LCLAT1: variants seen among roughly 807,000 people sequenced by gnomAD.
LCLAT1 encodes the protein 1-AGP acyltransferase 8.
A neutral mutation model predicts 30.7 loss-of-function variants in LCLAT1; 11 were observed. The ratio of observed to expected loss-of-function variants is 0.36; its 90% confidence interval spans 0.23 to 0.59. LCLAT1 has a LOEUF of 0.59. LCLAT1 is among the 20% of genes least tolerant of loss of function. The pLI, the probability that LCLAT1 is intolerant of heterozygous loss-of-function variation, is 0.77. For synonymous variants in LCLAT1, 155 were observed against 151.3 expected (o/e 1.02, Z -0.18); for missense variants, 402 against 458.6 (o/e 0.88, Z 1.13).
chr2:30,468,002 G>A (rs1429151518), intron 1 of LCLAT1, among the ~76,000 whole-genome samples: 1 of 152,198 alleles, frequency 6.6e-6, no homozygotes, highest in Non-Finnish European at 1.5e-5. Flanking sequence ...TTTTAGACAT[G>A]AAGTCCTTGC....
At chr2:30,637,740 G>A (rs1328865637) in intron 5 of LCLAT1, among the ~76,000 whole-genome samples, 2 of 152,180 alleles carry the variant, frequency 1.3e-5, no homozygotes, top group Non-Finnish European at 2.9e-5. Flanking sequence ...ACCACGCCCA[G>A]CTAATTTTTG....
Position 30,628,812 on chromosome 2 carries a change from T to C in LCLAT1, c.629-11305T>C, listed in dbSNP as rs147401830. On this transcript the variant is annotated intron_variant, in intron 5 of 5. Coordinates refer to ENST00000379509, the MANE Select transcript of LCLAT1 (RefSeq NM_001002257.3). ...TAAAAGAAAAAAACGTATTTCATCTTTCAGAGAAATATAGGATACATGTAT... is the reference window on the plus strand; with the variant it reads ...TAAAAGAAAAAAACGTATTTCATCTCTCAGAGAAATATAGGATACATGTAT... Among the ~76,000 whole-genome samples, 303 of 152,294 alleles carry C rather than the reference T, an allele frequency of 2.0e-3. 1 individual carries two copies. The highest frequency in any genetic ancestry group is 6.9e-3 in the African/African-American group (287 of 41,564).
intron 1 of LCLAT1, among the ~76,000 whole-genome samples, chr2:30,468,379 T>G (rs931947448): frequency 2.0e-5 from 3 of 152,228 alleles, no homozygotes; most frequent in African/African-American, 7.2e-5. Context: ...TCAGGTAGTG[T>G]GATGCCTCCA....
At chr2:30,596,200 C>T (rs1176158137) in intron 5 of LCLAT1, among the ~76,000 whole-genome samples, 2 of 152,212 alleles carry the variant, frequency 1.3e-5, no homozygotes, top group East Asian at 3.9e-4. Context: ...GATTCTAGGT[C>T]TTTGAGGAAT....
chr2:30,470,295 C>T (rs1183342083), intron 1 of LCLAT1, among the ~76,000 whole-genome samples: 8 of 152,114 alleles, frequency 5.3e-5, no homozygotes, highest in Non-Finnish European at 1.0e-4. Flanking sequence ...GCTAGTGACT[C>T]CTGTCTAGTA....
At chr2:30,555,235 G>T (rs1018693608) in intron 3 of LCLAT1, among the ~76,000 whole-genome samples, 1 of 152,080 alleles carries the variant, frequency 6.6e-6, no homozygotes, top group Admixed American at 6.5e-5. Context: ...AGTGGAAAAT[G>T]ATTTGGAACC....
chr2:30,532,485 A>G (rs1343130688), intron 2 of LCLAT1, among the ~76,000 whole-genome samples: 1 of 152,156 alleles, frequency 6.6e-6, no homozygotes, highest in African/African-American at 2.4e-5. Flanking sequence ...TCTATAATAT[A>G]TTGTTTTTCT....
intron 1 of LCLAT1, among the ~76,000 whole-genome samples, chr2:30,480,101 C>T (rs79625061): frequency 0.082 from 12,492 of 152,166 alleles, 1,005 homozygotes; most frequent in African/African-American, 0.21. Context: ...CATTATTTTC[C>T]TGTTAATACT....
chr2:30,501,886 A>G (rs1684414049), intron 1 of LCLAT1, among the ~76,000 whole-genome samples: 3 of 152,224 alleles, frequency 2.0e-5, no homozygotes, highest in Admixed American at 1.3e-4. Context: ...TTAACATTGT[A>G]TAATTCAAAT....
chr2:30,495,985 A>G (rs1350203236), intron 1 of LCLAT1, among the ~76,000 whole-genome samples: 1 of 152,176 alleles, frequency 6.6e-6, no homozygotes, highest in East Asian at 1.9e-4. Context: ...AAGAGGTTTA[A>G]TTGGCTCATG....
At position 30,642,407 on chromosome 2, in the gene LCLAT1, T is replaced by TTC. The variant is rs1558577996; in HGVS notation, c.*1789_*1790insCT. ...GTTTTTTCTTTTTCTTTTCTTTTTT[T>TTC]TTTTTTTTTTTTAAAAAAGCACCTT... On this transcript the variant is annotated 3_prime_UTR_variant, in exon 6 of 6. Transcript: ENST00000379509. The TTC allele has an allele frequency of 2.1e-5, 3 of 143,772 alleles. No individual in the cohort carries two copies. Among genetic ancestry groups the TTC allele is most frequent in the Non-Finnish European group, 3.0e-5 (2 of 66,608 alleles). The allele number at this position is 143,772 out of a possible 1,614,324, so 8.9% of individuals were successfully genotyped here.
chr2:30,538,022 T>A (rs1270224471), intron 3 of LCLAT1, among the ~76,000 whole-genome samples: 1 of 151,714 alleles, frequency 6.6e-6, no homozygotes, highest in East Asian at 1.9e-4. Context: ...AAAAAAAATT[T>A]GAAGCAAATG....
intron 5 of LCLAT1, among the ~76,000 whole-genome samples, chr2:30,599,581 T>G (rs1345473915): frequency 6.6e-6 from 1 of 152,220 alleles, no homozygotes; most frequent in Non-Finnish European, 1.5e-5. Flanking sequence ...ATTACTGTGT[T>G]GAGAGTCCCT....
chr2:30,540,274 G>A (rs563055418), intron 3 of LCLAT1, among the ~76,000 whole-genome samples: 1 of 152,144 alleles, frequency 6.6e-6, no homozygotes, highest in Non-Finnish European at 1.5e-5. Flanking sequence ...AGCAATATAT[G>A]TTGGAGATTA....
intron 1 of LCLAT1, among the ~76,000 whole-genome samples, chr2:30,457,554 G>A (rs1681893246): frequency 6.6e-6 from 1 of 152,154 alleles, no homozygotes; most frequent in South Asian, 2.1e-4. Context: ...TTTCTCTTTT[G>A]TGGAAGAAGC....
chr2:30,536,375 A>G (rs545397097), intron 3 of LCLAT1, among the ~76,000 whole-genome samples: 2 of 152,368 alleles, frequency 1.3e-5, no homozygotes, highest in South Asian at 2.1e-4. Context: ...AGAGAATTCT[A>G]TGAACAGCTA....
intron 1 of LCLAT1, among the ~76,000 whole-genome samples, chr2:30,461,149 A>G (rs928662056): frequency 2.0e-5 from 3 of 152,174 alleles, no homozygotes; most frequent in African/African-American, 2.4e-5. Context: ...TGTGGATAGC[A>G]TGGGGATAAC....
intron 5 of LCLAT1, among the ~76,000 whole-genome samples, chr2:30,576,360 G>A (rs1665992721): frequency 6.6e-6 from 1 of 152,140 alleles, no homozygotes; most frequent in Non-Finnish European, 1.5e-5. Context: ...AAAAGTGAGA[G>A]ATAGAAAACA....
chr2:30,605,888 A>G (rs957310526), intron 5 of LCLAT1: 2 of 462,300 alleles, frequency 4.3e-6, no homozygotes, highest in African/African-American at 4.3e-5. Flanking sequence ...GTTCCACCTC[A>G]GATCATCAGG....
Sources: allele counts gnomAD v4.1 joint callset (sites outside exome capture counted in the v4.1 genomes callset), GRCh38; gene constraint gnomAD v4.1.1; transcripts MANE v1.5; gene names NCBI Gene and HGNC (gene_info 2026-07-23, HGNC 2026-07-21).